Variants in OTOGL observed in about 807,000 individuals in gnomAD.
OTOGL encodes otogelin like, also known as otogelin-like protein.
OTOGL carries 285 observed loss-of-function variants against 318.5 expected under a neutral mutation model. That is an observed-to-expected ratio of 0.89 (90% CI 0.81 to 0.99). The LOEUF (loss-of-function observed/expected upper bound fraction) is 0.99. Among genes scored for constraint, OTOGL ranks in the 50% least tolerant of loss-of-function variants. The pLI is 0.00. For synonymous variants in OTOGL, 987 were observed against 936.5 expected, an observed-to-expected ratio of 1.05 and a Z score of -0.99; for missense variants, 2,899 against 2,845.6, an observed-to-expected ratio of 1.02 and a Z score of -0.43.
In OTOGL at chr12:80,355,805, C is replaced by G; in HGVS notation, c.5663C>G (p.Thr1888Ser). The change falls in exon 47 of 59, where the codon ACT (threonine) becomes AGT (serine). Residue 1888 changes from threonine (T) to serine (S), a missense_variant. Physicochemically the swap from Thr to Ser is moderately conservative, Grantham distance 58 (BLOSUM62 1). Transcript: ENST00000547103. ...EIWNGGIDEC[T>S]LYKCLENGSI... is the part of the protein sequence containing the mutation. ...TGGAATGGGGGCATTGATGAATGCACTCTATACAAATGTTTGGAGAATGGA... is the reference window on the plus strand; with the variant it reads ...TGGAATGGGGGCATTGATGAATGCAGTCTATACAAATGTTTGGAGAATGGA... 6.2e-7 allele frequency: 1 copy of G among 1,613,850 alleles called. No homozygotes were observed. The highest frequency in any genetic ancestry group is 1.3e-5 in the African/African-American group (1 of 75,056).
chr12:80,246,355 G>T (rs1010583669), intron 11 of OTOGL, among the ~76,000 whole-genome samples: 3 of 143,660 alleles, frequency 2.1e-5, no homozygotes, highest in Non-Finnish European at 4.5e-5. Context: ...CTAATTTATT[G>T]AGAGTTTTTA....
chr12:80,244,147 C>T (rs987022430), intron 11 of OTOGL, among the ~76,000 whole-genome samples: 5 of 150,342 alleles, frequency 3.3e-5, no homozygotes, highest in African/African-American at 1.2e-4. Context: ...GGAAGAAGGA[C>T]GAAAGTCCTA....
intron 26 of OTOGL, among the ~76,000 whole-genome samples, chr12:80,279,985 T>A (rs1212830856): frequency 6.6e-6 from 1 of 151,914 alleles, no homozygotes; most frequent in African/African-American, 2.4e-5. Flanking sequence ...TTTTTAATAA[T>A]AGCCATTTTG....
At chr12:80,161,927 C>T (rs1369297312) in intron 1 of OTOGL, among the ~76,000 whole-genome samples, 1 of 152,132 alleles carries the variant, frequency 6.6e-6, no homozygotes, top group African/African-American at 2.4e-5. Flanking sequence ...GATAGGTTTG[C>T]TTTGGTAAAG....
chr12:80,237,060 C>G lies in OTOGL; in HGVS notation c.818-1791C>G, dbSNP rs146878021. Reference sequence around the variant, plus strand: ...GTACTCCTGGCCTCCTGTGATCCACCCACCTCAGCCTCCCAGAGTGCTGGG... The same window carrying G: ...GTACTCCTGGCCTCCTGTGATCCACGCACCTCAGCCTCCCAGAGTGCTGGG... On this transcript the variant is annotated intron_variant, in intron 9 of 58. Transcript: ENST00000547103. Among the ~76,000 whole-genome samples, 195 of 152,020 alleles carry G rather than the reference C, an allele frequency of 1.3e-3. 3 individuals carry two copies. In the East Asian group the frequency reaches 0.035, roughly 27 times the overall value.
intron 13 of OTOGL, 50 bp downstream of exon 13, chr12:80,252,251 C>T (rs1592610549): frequency 6.5e-7 from 1 of 1,536,574 alleles, no homozygotes; most frequent in South Asian, 1.3e-5. Context: ...AACTAGTACC[C>T]AGTGATCTAA....
intron 48 of OTOGL, 29 bp from the exon 49 acceptor site, chr12:80,356,778 A>C: frequency 7.0e-7 from 1 of 1,420,808 alleles, no homozygotes; most frequent in African/African-American, 1.4e-5. Context: ...ATGCTATACA[A>C]ATTTTCTAAT....
chr12:80,291,368 A>C (rs1316768608), intron 26 of OTOGL, among the ~76,000 whole-genome samples: 2 of 152,220 alleles, frequency 1.3e-5, no homozygotes, highest in African/African-American at 4.8e-5. Context: ...CAGCAAGAAT[A>C]ATTATTGTTC....
In OTOGL at chr12:80,329,034, C is replaced by T. The variant is rs1409428687; in HGVS notation, c.4280-17C>T. On this transcript the variant is annotated splice_polypyrimidine_tract_variant and intron_variant, in intron 36 of 58. Transcript: ENST00000547103. The stretch of plus-strand genomic sequence containing the variant: ...TGCAAATACAGTTTTATAAAGAGCA[C>T]CTTTGTTTCTTTGTAGGTATACCTG... 2.5e-6 allele frequency: 4 copies of T among 1,580,856 alleles called. No homozygotes were observed. Among genetic ancestry groups the T allele is most frequent in the East Asian group, 4.5e-5 (2 of 44,364 alleles).
rs756285401 is a variant in OTOGL at position 80,323,824 on chromosome 12, T to C, written c.4183T>C (p.Cys1395Arg). ...KTCSDPEALA[C>R]KFLPPVEGCL... ...ATGTAGTGACCCTGAAGCACTAGCA[T>C]GTAAATTTCTTCCACCGTAAGTAAC... The change falls in exon 35 of 59, where the codon TGT becomes CGT. Residue 1395 changes from cysteine to arginine, a missense_variant. This residue lies in a region of OTOGL where 2,607 missense variants were observed against 2,524.9 expected (regional missense o/e 1.03). Transcript: ENST00000547103. 4 of 1,611,506 alleles carry C rather than the reference T, an allele frequency of 2.5e-6. No individual in the cohort carries two copies. The African/African-American group carries it at 4.0e-5, about 16-fold the overall frequency.
chr12:80,120,336 A>T (rs191879838), intron 1 of OTOGL, among the ~76,000 whole-genome samples: 143 of 152,280 alleles, frequency 9.4e-4, no homozygotes, highest in Middle Eastern at 6.8e-3. Flanking sequence ...ACTATGCTGA[A>T]TCCTAGCTGG....
intron 4 of OTOGL, among the ~76,000 whole-genome samples, chr12:80,213,012 A>G (rs1188890570): frequency 6.6e-6 from 1 of 152,182 alleles, no homozygotes; most frequent in Non-Finnish European, 1.5e-5. Context: ...CCACAGAGTA[A>G]AGTGAAAGCA....
chr12:80,119,476 TA>T (rs1870359793), intron 1 of OTOGL, among the ~76,000 whole-genome samples: 1 of 152,222 alleles, frequency 6.6e-6, no homozygotes, highest in Admixed American at 6.5e-5. Context: ...GTATATAATA[TA>T]ATCACAATGT....
rs536880741 is a variant in OTOGL at position 80,190,578 on chromosome 12, G to A, written c.-19-18835G>A. ...TGAGGCGGGTGGATCACGAGGTCAG[G>A]AGATCGAGACCATCCTGGCTAACAC... On this transcript the variant is annotated intron_variant, in intron 1 of 58. Transcript: ENST00000547103. Among the ~76,000 whole-genome samples the A allele has an allele frequency of 4.6e-5, 7 of 151,880 alleles. No homozygotes were observed. The East Asian group carries it at 1.4e-3, about 30-fold the overall frequency.
chr12:80,101,535 T>C (rs1239865005), intron 1 of OTOGL, among the ~76,000 whole-genome samples: 1 of 152,154 alleles, frequency 6.6e-6, no homozygotes, highest in Non-Finnish European at 1.5e-5. Flanking sequence ...TAATGTAAAA[T>C]AAGACAAATA....
intron 16 of OTOGL, 23 bp from the exon 17 acceptor site, chr12:80,256,314 T>C (rs747495042): frequency 6.3e-7 from 1 of 1,586,956 alleles, no homozygotes; most frequent in South Asian, 1.1e-5. Context: ...ATTCCTTGCA[T>C]TGATAATTTG....
chr12:80,179,440 C>A (rs576952364), intron 1 of OTOGL, among the ~76,000 whole-genome samples: 2 of 152,226 alleles, frequency 1.3e-5, no homozygotes, highest in African/African-American at 2.4e-5. Context: ...TCTTAAATAC[C>A]TTTTAAAAAA....
intron 1 of OTOGL, among the ~76,000 whole-genome samples, chr12:80,128,451 C>A (rs1460474528): frequency 6.6e-6 from 1 of 152,244 alleles, no homozygotes; most frequent in Non-Finnish European, 1.5e-5. Flanking sequence ...TCTGCCCCTA[C>A]TGGGAGATGC....
In OTOGL at chr12:80,106,266, T is replaced by C. The variant is rs181632211; in HGVS notation, c.-20+6661T>C. On this transcript the variant is annotated intron_variant, in intron 1 of 58. Coordinates refer to ENST00000547103, the MANE Select transcript of OTOGL (RefSeq NM_001378609.3). The stretch of plus-strand genomic sequence containing the variant: ...TGAAATCATTTTTTCCTGCCTTCAT[T>C]TGGGAGAGGGTGGCTTTCACACTAC... 1.5e-4 allele frequency among the ~76,000 whole-genome samples: 23 copies of C among 152,284 alleles called. No individual in the cohort carries two copies. The East Asian group carries it at 3.9e-3, about 26-fold the overall frequency.
Sources: gnomAD v4.1 joint callset for allele counts (sites outside exome capture counted in the v4.1 genomes callset) on GRCh38, gnomAD v4.1.1 for gene constraint, gnomAD v4.1.1 regional missense constraint, MANE v1.5 for transcripts, NCBI Gene and HGNC (gene_info 2026-07-23, HGNC 2026-07-21) for gene names.